Variants in FHIT observed in about 807,000 individuals in gnomAD.
The protein encoded by FHIT is fragile histidine triad diadenosine triphosphatase.
FHIT carries 19 observed loss-of-function variants against 17.9 expected under a neutral mutation model. The observed-to-expected ratio is 1.06, with a 90% CI of 0.74 to 1.56. The LOEUF (loss-of-function observed/expected upper bound fraction) is 1.56, where lower values mean the gene tolerates loss of function less well. Among genes scored for constraint, FHIT ranks in the 40% most tolerant of loss-of-function variants. The pLI, the probability that FHIT is intolerant of heterozygous loss-of-function variation, is 0.00. For synonymous variants in FHIT, 81 were observed against 69.7 expected (o/e 1.16, Z -0.81); for missense variants, 248 against 189.2 (o/e 1.31, Z -1.82).
chr3:60,748,935 C>T (rs1308504160), intron 4 of FHIT, among the ~76,000 whole-genome samples: 2 of 152,142 alleles, frequency 1.3e-5, no homozygotes, highest in African/African-American at 4.8e-5. Context: ...TATACATGTT[C>T]AGCACAGATG....
intron 4 of FHIT, among the ~76,000 whole-genome samples, chr3:60,682,829 A>G (rs2107866007): frequency 6.6e-6 from 1 of 152,352 alleles, no homozygotes; most frequent in Non-Finnish European, 1.5e-5. Context: ...GGGCAAAGTA[A>G]AATGAAAACC....
At chr3:61,182,615 C>G (rs1257863828) in intron 2 of FHIT, among the ~76,000 whole-genome samples, 1 of 152,084 alleles carries the variant, frequency 6.6e-6, no homozygotes, top group Non-Finnish European at 1.5e-5. Context: ...TAAATTCATA[C>G]TAGAGAGTAA....
At chr3:60,028,989 G>C (rs1700868160) in intron 5 of FHIT, among the ~76,000 whole-genome samples, 1 of 152,170 alleles carries the variant, frequency 6.6e-6, no homozygotes, top group African/African-American at 2.4e-5. Context: ...TGTACTGTTA[G>C]TTGCAGGATA....
chr3:60,172,782 C>T (rs984906748), intron 5 of FHIT, among the ~76,000 whole-genome samples: 3 of 152,182 alleles, frequency 2.0e-5, no homozygotes, highest in African/African-American at 7.2e-5. Flanking sequence ...CAGGACTGTC[C>T]AGGCTGTTGC....
chr3:60,807,807 T>C (rs1701448574), intron 4 of FHIT, among the ~76,000 whole-genome samples: 1 of 141,162 alleles, frequency 7.1e-6, no homozygotes, highest in South Asian at 2.3e-4. Context: ...GAAAGGTAAA[T>C]AGACAAATGA....
chr3:60,657,283 C>T (rs2107817335), intron 4 of FHIT, among the ~76,000 whole-genome samples: 1 of 152,256 alleles, frequency 6.6e-6, no homozygotes, highest in Non-Finnish European at 1.5e-5. Flanking sequence ...GCAAAACTGA[C>T]ATTTGGAGAG....
At position 59,769,529 on chromosome 3, in the gene FHIT, G is replaced by A. The variant is rs559662113; in HGVS notation, c.349-17208C>T. Among the ~76,000 whole-genome samples the A allele has an allele frequency of 5.7e-4, 87 of 152,260 alleles. 2 individuals carry two copies. The highest frequency in any genetic ancestry group is 1.9e-3 in the African/African-American group (81 of 41,550). ...GTCGAATGGAGTTGCCTTTGCCTCT[G>A]CTCACCACGTATTACATTTTTAATC... On this transcript the variant is annotated intron_variant, in intron 8 of 9. Coordinates refer to ENST00000492590, the MANE Select transcript of FHIT (RefSeq NM_002012.4).
intron 4 of FHIT, among the ~76,000 whole-genome samples, chr3:60,780,149 A>G (rs1700336539): frequency 6.6e-6 from 1 of 152,164 alleles, no homozygotes; most frequent in African/African-American, 2.4e-5. Context: ...CTCTTTCTAG[A>G]TGGGTAGCCA....
At chr3:59,908,109 A>G (rs583363) in intron 8 of FHIT, among the ~76,000 whole-genome samples, 150,495 of 152,338 alleles carry the variant, frequency 0.99, 74,361 homozygotes, top group Middle Eastern at 1. Context: ...TAACATATTT[A>G]CAGGTTCTGA....
chr3:60,239,419 G>C (rs555035950), intron 5 of FHIT, among the ~76,000 whole-genome samples: 179 of 152,162 alleles, frequency 1.2e-3, no homozygotes, highest in African/African-American at 3.9e-3. Flanking sequence ...AAAAAACTTG[G>C]CTGGGCATGG....
chr3:61,210,789 A>G (rs1237729079), intron 1 of FHIT, among the ~76,000 whole-genome samples: 1 of 151,562 alleles, frequency 6.6e-6, no homozygotes, highest in Non-Finnish European at 1.5e-5. Flanking sequence ...TTCGGCTCAC[A>G]CACAGTGCGC....
chr3:59,776,974 G>T (rs1702353248), intron 8 of FHIT, among the ~76,000 whole-genome samples: 1 of 152,064 alleles, frequency 6.6e-6, no homozygotes. Context: ...ACCACACATG[G>T]AATAAAATCT....
chr3:60,022,097 C>T (rs1259140628), intron 5 of FHIT, among the ~76,000 whole-genome samples: 3 of 152,118 alleles, frequency 2.0e-5, no homozygotes, highest in Non-Finnish European at 1.5e-5. Context: ...TATTGTAGAA[C>T]ACTACACAGG....
At chr3:60,827,765 C>T (rs1384320540) in intron 3 of FHIT, among the ~76,000 whole-genome samples, 3 of 152,200 alleles carry the variant, frequency 2.0e-5, no homozygotes, top group African/African-American at 7.2e-5. Context: ...ACATCTCTCT[C>T]CAGCTCCACT....
intron 7 of FHIT, among the ~76,000 whole-genome samples, chr3:59,943,477 G>T (rs186955920): frequency 1.5e-4 from 23 of 152,162 alleles, no homozygotes; most frequent in Non-Finnish European, 3.1e-4. Context: ...CCTGCATGGA[G>T]TATGACAAGA....
At chr3:60,310,862 C>T (rs1708911516) in intron 5 of FHIT, among the ~76,000 whole-genome samples, 1 of 152,142 alleles carries the variant, frequency 6.6e-6, no homozygotes, top group Admixed American at 6.6e-5. Flanking sequence ...TTTTCCCCAT[C>T]TGCCTATCAT....
intron 5 of FHIT, among the ~76,000 whole-genome samples, chr3:60,516,707 C>T (rs916232538): frequency 1.3e-5 from 2 of 152,130 alleles, no homozygotes; most frequent in African/African-American, 4.8e-5. Flanking sequence ...AATCTCAGAG[C>T]ATAAATATTA....
chr3:61,011,400 A>T lies in FHIT; in HGVS notation c.-111+30647T>A, dbSNP rs1435920006. ...CTGTTTTAGGAAGAAACCAGCCCTC[A>T]TAAATTCTTGATGAATCCAGATCAC... On this transcript the variant is annotated intron_variant, in intron 3 of 9. Transcript: ENST00000492590. Among the ~76,000 whole-genome samples the T allele has an allele frequency of 2.0e-5, 3 of 152,300 alleles. 1 individual carries two copies. The highest frequency in any genetic ancestry group is 2.0e-4 in the Admixed American group (3 of 15,278).
intron 5 of FHIT, among the ~76,000 whole-genome samples, chr3:60,207,861 G>T (rs1170846754): frequency 1.3e-5 from 2 of 152,122 alleles, no homozygotes; most frequent in African/African-American, 4.8e-5. Flanking sequence ...TAGAAGAGAG[G>T]CTGCATCATT....
Sources: allele counts gnomAD v4.1 joint callset (sites outside exome capture counted in the v4.1 genomes callset), GRCh38; gene constraint gnomAD v4.1.1; transcripts MANE v1.5; gene names NCBI Gene and HGNC (gene_info 2026-07-23, HGNC 2026-07-21).